The following TCN2 variants were observed in gnomAD, a reference collection of about 807,000 sequenced individuals.
TCN2 encodes the protein transcobalamin 2.
In TCN2, 34 loss-of-function variants were observed where a neutral mutation model predicts 48.6. The observed-to-expected ratio is 0.70, with a 90% CI of 0.53 to 0.93. The LOEUF (loss-of-function observed/expected upper bound fraction) is 0.93. TCN2 is among the 40% of genes least tolerant of loss of function. The pLI is 0.00. For missense variants in TCN2, 652 were observed against 526.1 expected, an observed-to-expected ratio of 1.24 and a Z score of -2.34; for synonymous variants, 283 against 212.5, an observed-to-expected ratio of 1.33 and a Z score of -2.89.
Position 30,614,516 on chromosome 22 carries a change from C to T in TCN2, c.580+15C>T. The T allele has an allele frequency of 6.2e-7, 1 of 1,613,994 alleles. No individual in the cohort carries two copies. Among genetic ancestry groups the T allele is most frequent in the Non-Finnish European group, 8.5e-7 (1 of 1,180,006 alleles). On this transcript the variant is annotated intron_variant, in intron 4 of 8. Transcript: ENST00000215838. ...CCATTCTGTGGGTGAGTAGGTCAGA[C>T]CGTGCCAAGGCCAGGCTGGCACTCC...
chr22:30,625,445 C>T (rs923598479), intron 8 of TCN2, among the ~76,000 whole-genome samples: 1 of 151,798 alleles, frequency 6.6e-6, no homozygotes, highest in Non-Finnish European at 1.5e-5. Flanking sequence ...GCTGAAGGAA[C>T]CTCTTTTATA....
chr22:30,617,379 C>G lies in TCN2; in HGVS notation c.990C>G (p.Ile330Met), dbSNP rs1602050144. The stretch of plus-strand genomic sequence containing the variant: ...CCATTCCTCAGACCCAAGAGATCAT[C>G]AGTGTCACGCTGCAGGTGCTTAGTC... The part of the protein sequence containing the change: ...AETIPQTQEI[I>M]SVTLQVLSLL... The change falls in exon 7 of 9, where the codon ATC (isoleucine) becomes ATG (methionine). Residue 330 changes from isoleucine (I) to methionine (M), a missense_variant. Ile to Met is a conservative substitution (Grantham distance 10, BLOSUM62 1). Transcript: ENST00000215838. 3.7e-6 allele frequency: 6 copies of G among 1,614,172 alleles called. No homozygotes were observed. The highest frequency in any genetic ancestry group is 4.2e-6 in the Non-Finnish European group (5 of 1,180,036).
intron 7 of TCN2, 109 bp from the exon 8 acceptor site, chr22:30,622,859 G>A: frequency 8.6e-7 from 1 of 1,160,812 alleles, no homozygotes; most frequent in Middle Eastern, 1.9e-4. Flanking sequence ...TTTGACGAGT[G>A]TCGGCCCAAA....
Position 30,617,398 on chromosome 22 carries a change from C to T in TCN2, c.1009C>T (p.Leu337Phe). 1 of 1,614,112 alleles carries T rather than the reference C, an allele frequency of 6.2e-7. No homozygotes were observed. The change falls in exon 7 of 9, where the codon CTT (leucine) becomes TTT (phenylalanine). Residue 337 changes from leucine to phenylalanine, a missense_variant. Leu to Phe is a conservative substitution (Grantham distance 22). Coordinates refer to ENST00000215838, the MANE Select transcript of TCN2 (RefSeq NM_000355.4). Reference protein sequence around the residue: ...QEIISVTLQVLSLLPPYRQSI... With the variant: ...QEIISVTLQVFSLLPPYRQSI... ...GATCATCAGTGTCACGCTGCAGGTGCTTAGTCTCTTGCCGCCGTACAGACA... is the reference window on the plus strand; with the variant it reads ...GATCATCAGTGTCACGCTGCAGGTGTTTAGTCTCTTGCCGCCGTACAGACA...
In TCN2 at chr22:30,622,999, T is replaced by TA. The variant is rs2087720794; in HGVS notation, c.1139dup (p.Tyr380Ter). ...AACACAGGCCTCCTTGTCAGGCCCC[T>TA]ACTTAACCTCCGTGATGGGGAAAGC... is the stretch of plus-strand genomic sequence containing the variant. ...YETQASLSGP[Y>*]LTSVMGKAAG... The change falls in exon 8 of 9, where the codon TAC (tyrosine) becomes TAAC (stop). Residue 380 changes from tyrosine to a stop codon, truncating the protein, a stop_gained and frameshift_variant. Coordinates refer to ENST00000215838, the MANE Select transcript of TCN2 (RefSeq NM_000355.4). LOFTEE classifies it high-confidence loss of function. 4 of 1,614,094 alleles carry TA rather than the reference T, an allele frequency of 2.5e-6. No individual in the cohort carries two copies. Among genetic ancestry groups the TA allele is most frequent in the Non-Finnish European group, 2.5e-6 (3 of 1,180,014 alleles).
chr22:30,614,550 C>T, intron 4 of TCN2, 49 bp downstream of exon 4: 1 of 1,611,804 alleles, frequency 6.2e-7, no homozygotes, highest in Non-Finnish European at 8.5e-7. Flanking sequence ...CCCTCAGTCC[C>T]CAGGTCTGCA....
intron 1 of TCN2, among the ~76,000 whole-genome samples, chr22:30,609,133 C>T (rs951124121): frequency 3.3e-5 from 5 of 151,864 alleles, no homozygotes; most frequent in African/African-American, 9.7e-5. Flanking sequence ...AAGTGGGCTC[C>T]TGTGCTTCCT....
intron 7 of TCN2, 78 bp from the exon 8 acceptor site, chr22:30,622,890 T>C: frequency 8.2e-6 from 12 of 1,456,756 alleles, no homozygotes; most frequent in Middle Eastern, 1.7e-4. Flanking sequence ...GGGATTTTGC[T>C]GCTGTGGGTG....
At chr22:30,614,620 A>C (rs2087587380) in intron 4 of TCN2, 119 bp downstream of exon 4, 1 of 1,446,132 alleles carries the variant, frequency 6.9e-7, no homozygotes, top group Non-Finnish European at 9.4e-7. Context: ...CTCCGAATCA[A>C]GTCCTTTAGG....
chr22:30,624,451 T>C (rs973637918), intron 8 of TCN2, among the ~76,000 whole-genome samples: 3 of 151,678 alleles, frequency 2.0e-5, no homozygotes, highest in Non-Finnish European at 4.4e-5. Context: ...CTGAAGAACT[T>C]TTATGGGGCA....
At chr22:30,609,383 CT>C (rs991109580) in intron 1 of TCN2, among the ~76,000 whole-genome samples, 4 of 152,094 alleles carry the variant, frequency 2.6e-5, no homozygotes, top group African/African-American at 9.7e-5. Flanking sequence ...CCCAAGGCTG[CT>C]TTTATTACCC....
In TCN2 at chr22:30,626,789, C is replaced by G; in HGVS notation, c.*268C>G. The G allele has an allele frequency of 3.5e-6, 2 of 573,964 alleles. No homozygotes were observed. Among genetic ancestry groups the G allele is most frequent in the South Asian group, 4.0e-5 (2 of 50,046 alleles). 35.6% of individuals were successfully genotyped at this position (573,964 alleles called of 1,614,324 possible). ...CTGCAGGTCTCCCATGAAGGCCACCCCATGGTCTGATGGGCATGAAGCATC... is the reference window on the plus strand; with the variant it reads ...CTGCAGGTCTCCCATGAAGGCCACCGCATGGTCTGATGGGCATGAAGCATC... On this transcript the variant is annotated 3_prime_UTR_variant, in exon 9 of 9. Transcript: ENST00000215838.
intron 6 of TCN2, among the ~76,000 whole-genome samples, chr22:30,616,936 G>C (rs1452783128): frequency 6.6e-6 from 1 of 152,160 alleles, no homozygotes; most frequent in Non-Finnish European, 1.5e-5. Context: ...AGTGGGAGTG[G>C]AAAGCAGATG....
chr22:30,625,125 G>A (rs1157584512), intron 8 of TCN2, among the ~76,000 whole-genome samples: 1 of 152,208 alleles, frequency 6.6e-6, no homozygotes, highest in African/African-American at 2.4e-5. Context: ...GGCTGAGGCA[G>A]GAGAATCGCT....
chr22:30,613,078 C>T, intron 3 of TCN2, 36 bp downstream of exon 3: 1 of 1,610,602 alleles, frequency 6.2e-7, no homozygotes, highest in South Asian at 1.1e-5. Flanking sequence ...TGGGGAGCAG[C>T]TGGGAGGGCT....
chr22:30,612,744 T>C (rs1433823051), intron 2 of TCN2, 129 bp from the exon 3 acceptor site: 1 of 1,145,678 alleles, frequency 8.7e-7, no homozygotes, highest in African/African-American at 1.5e-5. Context: ...ACACCTCCTT[T>C]TGGAGCTTTT....
At chr22:30,609,153 C>G (rs562321603) in intron 1 of TCN2, among the ~76,000 whole-genome samples, 120 of 151,326 alleles carry the variant, frequency 7.9e-4, no homozygotes, top group African/African-American at 2.8e-3. Flanking sequence ...TTTTCTCTTT[C>G]TTCTTCTTTT....
At chr22:30,615,871 C>T (rs2087606666) in intron 6 of TCN2, 84 bp downstream of exon 6, 2 of 1,558,860 alleles carry the variant, frequency 1.3e-6, no homozygotes, top group South Asian at 1.1e-5. Context: ...GTTGCTTCAT[C>T]CTGATTTGCT....
In TCN2 at chr22:30,611,653, G is replaced by A. The variant is rs571136546; in HGVS notation, c.257+590G>A. On this transcript the variant is annotated intron_variant, in intron 2 of 8. Transcript: ENST00000215838. ...CACCTGAATAGCTGGGATTACAGGC[G>A]TGTGCCACCATGCCCAGCTGATTTT... 5.3e-5 allele frequency among the ~76,000 whole-genome samples: 8 copies of A among 152,326 alleles called. No individual in the cohort carries two copies. In the East Asian group the frequency reaches 7.7e-4, roughly 15 times the overall value.
Sources: gnomAD v4.1 joint callset for allele counts (sites outside exome capture counted in the v4.1 genomes callset) on GRCh38, gnomAD v4.1.1 for gene constraint, MANE v1.5 for transcripts, NCBI Gene and HGNC (gene_info 2026-07-23, HGNC 2026-07-21) for gene names.